The following SETD7 variants were observed in gnomAD, a reference collection of about 807,000 sequenced individuals.
The protein encoded by SETD7 is histone-lysine N-methyltransferase SETD7.
In SETD7, 16 loss-of-function variants were observed where a neutral mutation model predicts 41.8. The observed-to-expected ratio is 0.38, with a 90% confidence interval of 0.26 to 0.58. The LOEUF (loss-of-function observed/expected upper bound fraction) is 0.58. SETD7 is among the 20% of genes least tolerant of loss of function. The pLI is 0.64. For missense variants in SETD7, 346 were observed against 459.7 expected (o/e 0.75, Z 2.26); for synonymous variants, 163 against 169.7 (o/e 0.96, Z 0.31).
At chr4:139,494,443 G>A (rs1033347079), downstream of SETD7, among the ~76,000 whole-genome samples, 5 of 152,148 alleles carry the variant, frequency 3.3e-5, no homozygotes, top group Admixed American at 2.6e-4. Flanking sequence ...GAGGATGCTA[G>A]GTTATTGAAC....
intron 7 of SETD7, among the ~76,000 whole-genome samples, chr4:139,499,422 T>G (rs1726526530): frequency 6.6e-6 from 1 of 152,094 alleles, no homozygotes; most frequent in Non-Finnish European, 1.5e-5. Flanking sequence ...TGCCCCAGAG[T>G]CGCAAGATTT....
At chr4:139,501,998 T>C (rs186683115), downstream of SETD7, among the ~76,000 whole-genome samples, 2 of 152,282 alleles carry the variant, frequency 1.3e-5, no homozygotes, top group East Asian at 3.9e-4. Flanking sequence ...AAACTCAATC[T>C]TTTTTTCCCC....
chr4:139,509,616 C>T lies in SETD7; in HGVS notation c.*2047G>A, dbSNP rs1726813990. 1.2e-6 allele frequency: 1 copy of T among 801,426 alleles called. No homozygotes were observed. Among genetic ancestry groups the T allele is most frequent in the Admixed American group, 6.2e-5 (1 of 16,022 alleles). The allele number at this position is 801,426 out of a possible 1,614,324, so 49.6% of individuals were successfully genotyped here. On this transcript the variant is annotated 3_prime_UTR_variant, in exon 8 of 8. Transcript: ENST00000274031. ...GTATTCCCTGACCTGGCTGCACAAC[C>T]CACTTGATCGAGGTTAATGCAAGCC... is the stretch of plus-strand genomic sequence containing the variant.
downstream of SETD7, among the ~76,000 whole-genome samples, chr4:139,504,267 G>T (rs1203714339): frequency 2.0e-5 from 3 of 152,158 alleles, no homozygotes; most frequent in Admixed American, 2.0e-4. Context: ...AAGAAGTGAA[G>T]CTCTAAATTC....
rs1215380874 is a variant in SETD7, at chr4:139,523,300, G to A, written c.644+54C>T. 1.3e-5 allele frequency: 18 copies of A among 1,355,380 alleles called. No homozygotes were observed. The East Asian group carries it at 3.9e-4, about 30-fold the overall frequency. 84.0% of individuals were successfully genotyped at this position (1,355,380 alleles called of 1,614,324 possible). ...AGAGGTGCATAAGTTCCTACCACTA[G>A]GCTTATTTAACCTCACATAAACAGT... is the stretch of plus-strand genomic sequence containing the variant. On this transcript the variant is annotated intron_variant, in intron 5 of 7. Coordinates refer to ENST00000274031, the MANE Select transcript of SETD7 (RefSeq NM_030648.4).
At chr4:139,532,176 T>C (rs1727499018) in intron 3 of SETD7, among the ~76,000 whole-genome samples, 1 of 152,198 alleles carries the variant, frequency 6.6e-6, no homozygotes, top group Non-Finnish European at 1.5e-5. Context: ...GTGCAATGGC[T>C]CATGCCTGTA....
At chr4:139,521,061 T>C (rs1727168668) in intron 5 of SETD7, among the ~76,000 whole-genome samples, 1 of 152,222 alleles carries the variant, frequency 6.6e-6, no homozygotes, top group South Asian at 2.1e-4. Flanking sequence ...ACAGATATTA[T>C]ATGGCTTGCA....
chr4:139,520,521 G>T, intron 5 of SETD7, 127 bp from the exon 6 acceptor site: 1 of 523,642 alleles, frequency 1.9e-6, no homozygotes, highest in East Asian at 3.1e-5. Context: ...TAAGAAGGGA[G>T]GGAGGAAGAA....
intron 7 of SETD7, among the ~76,000 whole-genome samples, chr4:139,515,363 A>G (rs1173051433): frequency 5.9e-5 from 9 of 152,186 alleles, no homozygotes; most frequent in Non-Finnish European, 2.9e-5. Context: ...CAAAATGAAA[A>G]CCTGCAGAGT....
intron 7 of SETD7, among the ~76,000 whole-genome samples, chr4:139,500,002 T>C (rs1343461401): frequency 1.3e-5 from 2 of 152,224 alleles, no homozygotes; most frequent in Non-Finnish European, 2.9e-5. Flanking sequence ...AACCTAAGTA[T>C]AAAAATGGCC....
chr4:139,556,209 G>A lies in SETD7; in HGVS notation c.-72C>T. On this transcript the variant is annotated 5_prime_UTR_variant, in exon 1 of 8. Coordinates refer to ENST00000274031, the MANE Select transcript of SETD7 (RefSeq NM_030648.4). ...GTCCCTCTGGGTGCTCCCGGCGGCTGAGCGAGCTCTGGGGCTCGCGAGTTT... is the reference window on the plus strand; with the variant it reads ...GTCCCTCTGGGTGCTCCCGGCGGCTAAGCGAGCTCTGGGGCTCGCGAGTTT... 1.3e-6 allele frequency: 2 copies of A among 1,510,448 alleles called. No homozygotes were observed. The highest frequency in any genetic ancestry group is 1.8e-6 in the Non-Finnish European group (2 of 1,117,342). 93.6% of individuals were successfully genotyped at this position (1,510,448 alleles called of 1,614,324 possible). A position where few individuals can be genotyped will look rare whatever the true frequency, so the allele number is the denominator to read the frequency against.
chr4:139,550,153 G>C (rs1728070999), intron 1 of SETD7, among the ~76,000 whole-genome samples: 1 of 152,144 alleles, frequency 6.6e-6, no homozygotes, highest in African/African-American at 2.4e-5. Flanking sequence ...TGGGATTACA[G>C]GCAAGAACCA....
chr4:139,531,540 T>C (rs1256841066), intron 3 of SETD7, among the ~76,000 whole-genome samples: 1 of 152,224 alleles, frequency 6.6e-6, no homozygotes, highest in East Asian at 1.9e-4. Flanking sequence ...CTGATCTTTC[T>C]GCTTCTCTTC....
chr4:139,541,459 C>T (rs1031461918), intron 2 of SETD7, among the ~76,000 whole-genome samples: 1 of 151,824 alleles, frequency 6.6e-6, no homozygotes, highest in Non-Finnish European at 1.5e-5. Flanking sequence ...TCCACGGGTA[C>T]CAGACAGACT....
At chr4:139,527,090 G>A (rs964944836) in intron 4 of SETD7, among the ~76,000 whole-genome samples, 9 of 152,190 alleles carry the variant, frequency 5.9e-5, no homozygotes, top group Admixed American at 5.9e-4. Flanking sequence ...AACCTAGATG[G>A]TATAGCCAAC....
chr4:139,526,907 T>C (rs906464379), intron 4 of SETD7, among the ~76,000 whole-genome samples: 1 of 152,256 alleles, frequency 6.6e-6, no homozygotes, highest in African/African-American at 2.4e-5. Context: ...GGCATAGATA[T>C]CACAGTTTGT....
At chr4:139,496,240 T>G (rs748840166) in exon 8 of SETD7, 7 of 560,600 alleles carry the variant, frequency 1.2e-5, no homozygotes, top group African/African-American at 1.9e-5. Flanking sequence ...GTATCTCTTT[T>G]CAGATCTTAA....
chr4:139,501,545 A>G (rs1445976110), downstream of SETD7, among the ~76,000 whole-genome samples: 1 of 152,060 alleles, frequency 6.6e-6, no homozygotes, highest in Non-Finnish European at 1.5e-5. Context: ...TAATTACTCC[A>G]TGTAACAAAA....
chr4:139,497,123 G>A (rs1296184579), intron 7 of SETD7, among the ~76,000 whole-genome samples: 6 of 152,114 alleles, frequency 3.9e-5, no homozygotes, highest in Admixed American at 1.3e-4. Context: ...TACTGTAGGC[G>A]CCAGAAGTGC....
Sources: allele counts gnomAD v4.1 joint callset (sites outside exome capture counted in the v4.1 genomes callset), GRCh38; gene constraint gnomAD v4.1.1; transcripts MANE v1.5; gene names NCBI Gene and HGNC (gene_info 2026-07-23, HGNC 2026-07-21).